Variants in GSE1 observed in about 807,000 individuals in gnomAD.
The protein encoded by GSE1 is Gse1 coiled-coil protein.
A neutral mutation model predicts 112.6 loss-of-function variants in GSE1; 32 were observed. The observed-to-expected ratio is 0.28, with a 90% confidence interval of 0.21 to 0.38. The LOEUF is 0.38. Among genes scored for constraint, GSE1 ranks in the 10% least tolerant of loss-of-function variants. GSE1 has a pLI of 1.00. For synonymous variants in GSE1, 1,115 were observed against 735.6 expected, an observed-to-expected ratio of 1.52 and a Z score of -8.35; for missense variants, 2,348 against 1,699.2, an observed-to-expected ratio of 1.38 and a Z score of -6.71.
At chr16:85,469,383 C>G (rs1197311143) in intron 2 of GSE1, among the ~76,000 whole-genome samples, 1 of 152,066 alleles carries the variant, frequency 6.6e-6, no homozygotes, top group African/African-American at 2.4e-5. Flanking sequence ...TGGCCACAAG[C>G]CAGGATGCGC....
intron 1 of GSE1, among the ~76,000 whole-genome samples, chr16:85,588,731 C>T (rs1036440547): frequency 5.3e-5 from 8 of 152,158 alleles, no homozygotes; most frequent in East Asian, 1.9e-4. Flanking sequence ...CTGCCGTGGC[C>T]GTTATTAACA....
At chr16:85,584,899 A>C (rs1055757489) in intron 1 of GSE1, among the ~76,000 whole-genome samples, 5 of 146,982 alleles carry the variant, frequency 3.4e-5, no homozygotes, top group African/African-American at 2.5e-5. Context: ...TCCTTCCCCC[A>C]CCCCTCCAGC....
At chr16:85,170,973 C>A in exon 1 of GSE1, 2 of 985,526 alleles carry the variant, frequency 2.0e-6, no homozygotes, top group South Asian at 9.4e-5. Context: ...CCTGCTACCT[C>A]TGTGGGGAGG....
chr16:85,573,624 T>C (rs2046100504), intron 1 of GSE1, among the ~76,000 whole-genome samples: 1 of 152,146 alleles, frequency 6.6e-6, no homozygotes, highest in Non-Finnish European at 1.5e-5. Context: ...AAGTAGCGTA[T>C]TTTATTTGGA....
At chr16:85,254,177 T>C (rs1906819933) in intron 1 of GSE1, among the ~76,000 whole-genome samples, 1 of 152,164 alleles carries the variant, frequency 6.6e-6, no homozygotes, top group Non-Finnish European at 1.5e-5. Flanking sequence ...TCTACCCTGG[T>C]GTACTCTGGT....
At chr16:85,382,869 AC>A (rs2047582942) in intron 2 of GSE1, among the ~76,000 whole-genome samples, 1 of 151,798 alleles carries the variant, frequency 6.6e-6, no homozygotes, top group Non-Finnish European at 1.5e-5. Context: ...CACACAGCAC[AC>A]ATGCACACAC....
At chr16:85,475,776 C>T (rs56725317) in intron 2 of GSE1, among the ~76,000 whole-genome samples, 1 of 145,870 alleles carries the variant, frequency 6.9e-6, no homozygotes, top group African/African-American at 2.6e-5. Flanking sequence ...AATTGTTTTT[C>T]TTTTTTTTTT....
intron 2 of GSE1, among the ~76,000 whole-genome samples, chr16:85,377,595 A>T (rs1435643411): frequency 6.6e-6 from 1 of 152,214 alleles, no homozygotes; most frequent in Non-Finnish European, 1.5e-5. Context: ...AAGGAACAGT[A>T]AGCAAGCGTA....
intron 1 of GSE1, among the ~76,000 whole-genome samples, chr16:85,591,037 G>C (rs201750162): frequency 6.6e-6 from 1 of 152,166 alleles, no homozygotes; most frequent in Non-Finnish European, 1.5e-5. Context: ...CCTGTGTCCC[G>C]AGGGCCACCC....
chr16:85,306,705 T>A (rs1255326258), intron 1 of GSE1, among the ~76,000 whole-genome samples: 1 of 152,134 alleles, frequency 6.6e-6, no homozygotes, highest in Non-Finnish European at 1.5e-5. Flanking sequence ...TGTGCCACCA[T>A]GCCTGGCTGT....
intron 2 of GSE1, among the ~76,000 whole-genome samples, chr16:85,497,977 C>G (rs1316602283): frequency 6.7e-6 from 1 of 149,676 alleles, no homozygotes; most frequent in Non-Finnish European, 1.5e-5. Flanking sequence ...GGTGGGGGAG[C>G]GGGCGACGAG....
chr16:85,652,956 G>A (rs938828532), intron 3 of GSE1, among the ~76,000 whole-genome samples: 1 of 151,816 alleles, frequency 6.6e-6, no homozygotes, highest in Non-Finnish European at 1.5e-5. Context: ...GATGGAACGT[G>A]AGGAAGGGCC....
In GSE1 at chr16:85,613,568, C is replaced by T. The variant is rs1037311521; in HGVS notation, c.7+170C>T. Reference sequence around the variant, plus strand: ...GGAGGGCGGGCAGGCGACCAAAGGCCACCCCCTTCCTCCGCCCGCGGGTCG... The same window carrying T: ...GGAGGGCGGGCAGGCGACCAAAGGCTACCCCCTTCCTCCGCCCGCGGGTCG... On this transcript the variant is annotated intron_variant, in intron 1 of 15. Coordinates refer to ENST00000253458, the MANE Select transcript of GSE1 (RefSeq NM_014615.5). Among the ~76,000 whole-genome samples the T allele has an allele frequency of 2.6e-4, 39 of 151,412 alleles. 2 individuals are homozygous for T. In the East Asian group the frequency reaches 7.1e-3, roughly 28 times the overall value.
At chr16:85,572,766 G>A (rs903936676) in intron 1 of GSE1, among the ~76,000 whole-genome samples, 4 of 152,224 alleles carry the variant, frequency 2.6e-5, no homozygotes, top group African/African-American at 7.2e-5. Context: ...GGGGAGCCAA[G>A]GGGTCATTGT....
At chr16:85,237,840 G>A (rs11149729) in intron 1 of GSE1, among the ~76,000 whole-genome samples, 3 of 130,782 alleles carry the variant, frequency 2.3e-5, no homozygotes, top group South Asian at 2.6e-4. Flanking sequence ...TCTGTCCCCC[G>A]CAAAAAAAAA....
chr16:85,484,673 C>T (rs576824133), intron 2 of GSE1, among the ~76,000 whole-genome samples: 2 of 152,182 alleles, frequency 1.3e-5, no homozygotes, highest in African/African-American at 4.8e-5. Context: ...GGGAAGTAGG[C>T]GCAGAGAAGC....
chr16:85,282,820 C>T (rs555689906), intron 1 of GSE1: 8 of 152,260 alleles, frequency 5.3e-5, no homozygotes, highest in African/African-American at 1.7e-4. Flanking sequence ...TTATCTAGTG[C>T]TGCATAACGA....
chr16:85,209,828 C>G (rs1273215412), intron 1 of GSE1, among the ~76,000 whole-genome samples: 1 of 152,162 alleles, frequency 6.6e-6, no homozygotes, highest in African/African-American at 2.4e-5. Flanking sequence ...GGGTCCCTAC[C>G]CTAATCCTGC....
intron 2 of GSE1, among the ~76,000 whole-genome samples, chr16:85,636,192 G>A (rs577588448): frequency 5.1e-4 from 78 of 152,362 alleles, no homozygotes; most frequent in African/African-American, 1.8e-3. Flanking sequence ...ATGCCCCCGG[G>A]GTGGATGCCT....
Sources: allele counts gnomAD v4.1 joint callset (sites outside exome capture counted in the v4.1 genomes callset), GRCh38; gene constraint gnomAD v4.1.1; transcripts MANE v1.5; gene names NCBI Gene and HGNC (gene_info 2026-07-23, HGNC 2026-07-21).